The following SLC36A1 variants were observed in gnomAD, a reference collection of about 807,000 sequenced individuals.
SLC36A1 encodes solute carrier family 36 member 1.
A neutral mutation model predicts 47.5 loss-of-function variants in SLC36A1; 30 were observed. The observed-to-expected ratio is 0.63, with a 90% CI of 0.47 to 0.86. SLC36A1 has a LOEUF of 0.86. Among genes scored for constraint, SLC36A1 ranks in the 40% least tolerant of loss-of-function variants. The pLI is 0.00. For missense variants in SLC36A1, 517 were observed against 606.0 expected, an observed-to-expected ratio of 0.85 and a Z score of 1.54; for synonymous variants, 255 against 249.7, an observed-to-expected ratio of 1.02 and a Z score of -0.20.
the SLC36A1 span, among the ~76,000 whole-genome samples, chr5:151,407,597 C>A: frequency 6.6e-6 from 1 of 151,980 alleles, no homozygotes; most frequent in African/African-American, 2.4e-5. Flanking sequence ...CAGAAAAGTT[C>A]TCCAAGTCCC....
the SLC36A1 span, among the ~76,000 whole-genome samples, chr5:151,424,805 A>C: frequency 6.6e-6 from 1 of 152,176 alleles, no homozygotes; most frequent in Admixed American, 6.5e-5. Flanking sequence ...CCATTTTACA[A>C]GTGAGGAAAC....
the SLC36A1 span, among the ~76,000 whole-genome samples, chr5:151,423,315 C>T: frequency 0.44 from 67,237 of 151,922 alleles, 15,275 homozygotes; most frequent in East Asian, 0.56. Flanking sequence ...AAAATTTACA[C>T]CCACAAAAAA....
the SLC36A1 span, chr5:151,554,662 C>T: frequency 6.2e-7 from 1 of 1,611,824 alleles, no homozygotes; most frequent in Non-Finnish European, 8.5e-7. Context: ...CCCCATTGTC[C>T]AGCACAGTCA....
At chr5:151,546,250 T>C in the SLC36A1 span, 2 of 1,614,050 alleles carry the variant, frequency 1.2e-6, no homozygotes, top group Non-Finnish European at 1.7e-6. Context: ...TGTCAGAGTA[T>C]GTGGGGCATG....
rs1459370203 is a variant in SLC36A1, at chr5:151,489,915, GA to G, written c.*1663del. ...ATACAGTTCACTCTGAAAGCTGGTT[GA>G]AGGAGAGCAGCAAAAATGTATCAGG... On this transcript the variant is annotated 3_prime_UTR_variant, in exon 11 of 11. Transcript: ENST00000243389. The surrounding 1 kb of genome is among the most constrained non-coding windows in gnomAD (Gnocchi z 4.5). 6.6e-6 allele frequency: 1 copy of G among 152,182 alleles called. No individual in the cohort carries two copies. Among genetic ancestry groups the G allele is most frequent in the Non-Finnish European group, 1.5e-5 (1 of 68,034 alleles). The allele number at this position is 152,182 out of a possible 1,614,324, so 9.4% of individuals were successfully genotyped here.
At chr5:151,533,220 G>T in the SLC36A1 span, among the ~76,000 whole-genome samples, 1 of 152,096 alleles carries the variant, frequency 6.6e-6, no homozygotes, top group Non-Finnish European at 1.5e-5. Context: ...TCCTGTCCCT[G>T]GAGGTGTGTA....
intron 1 of SLC36A1, 118 bp from the exon 2 acceptor site, chr5:151,458,670 G>A (rs759254161): frequency 9.1e-7 from 1 of 1,097,930 alleles, no homozygotes; most frequent in Non-Finnish European, 1.3e-6. Flanking sequence ...TTAATCCATA[G>A]TGGAGCTGTC....
the SLC36A1 span, chr5:151,546,238 A>G: frequency 1.2e-6 from 2 of 1,614,164 alleles, no homozygotes; most frequent in Admixed American, 3.3e-5. Flanking sequence ...TTCTGCCTTC[A>G]CTGTCAGAGT....
intron 10 of SLC36A1, among the ~76,000 whole-genome samples, chr5:151,482,244 A>G (rs1218128377): frequency 6.6e-6 from 1 of 152,108 alleles, no homozygotes; most frequent in Non-Finnish European, 1.5e-5. Flanking sequence ...GAAGAGCAGC[A>G]TCATTAATTA....
chr5:151,389,412 AT>A, the SLC36A1 span, among the ~76,000 whole-genome samples: 8 of 151,170 alleles, frequency 5.3e-5, no homozygotes, highest in Non-Finnish European at 1.0e-4. Context: ...TTTTCTTTTA[AT>A]TTTTTTTTAA....
the SLC36A1 span, among the ~76,000 whole-genome samples, chr5:151,349,893 G>C: frequency 6.6e-6 from 1 of 152,172 alleles, no homozygotes; most frequent in Non-Finnish European, 1.5e-5. Context: ...AAGTTCATCA[G>C]GTGATTCTGA....
chr5:151,485,549 T>C (rs1025553983), intron 10 of SLC36A1, among the ~76,000 whole-genome samples: 19 of 152,312 alleles, frequency 1.2e-4, no homozygotes, highest in African/African-American at 4.3e-4. Flanking sequence ...AGACTCCCTG[T>C]CTCCCCTCCC....
At chr5:151,446,872 C>G (rs532995787), upstream of SLC36A1, among the ~76,000 whole-genome samples, 1 of 152,276 alleles carries the variant, frequency 6.6e-6, no homozygotes, top group East Asian at 1.9e-4. Flanking sequence ...TATTGACCCT[C>G]CTACTATTGT....
the SLC36A1 span, among the ~76,000 whole-genome samples, chr5:151,386,774 C>T: frequency 1.3e-5 from 2 of 152,208 alleles, no homozygotes; most frequent in Non-Finnish European, 2.9e-5. Flanking sequence ...TCAGGCTCTG[C>T]CCGGTCCCTG....
At chr5:151,457,514 C>T (rs1255240480) in intron 1 of SLC36A1, among the ~76,000 whole-genome samples, 1 of 152,088 alleles carries the variant, frequency 6.6e-6, no homozygotes, top group African/African-American at 2.4e-5. Context: ...TTTTTTCTCT[C>T]ACCATTTTAA....
At chr5:151,355,056 G>A in the SLC36A1 span, among the ~76,000 whole-genome samples, 1 of 152,260 alleles carries the variant, frequency 6.6e-6, no homozygotes, top group Admixed American at 6.5e-5. Context: ...TGACAACAAT[G>A]AACTGTAACC....
the SLC36A1 span, among the ~76,000 whole-genome samples, chr5:151,405,411 G>A: frequency 4.9e-5 from 7 of 142,524 alleles, no homozygotes; most frequent in Non-Finnish European, 9.0e-5. Context: ...ATACAATGGC[G>A]AGATCATGGC....
the SLC36A1 span, chr5:151,512,251 G>C: frequency 9.9e-6 from 16 of 1,614,096 alleles, no homozygotes; most frequent in South Asian, 6.6e-5. This position sits in a 1 kb window ranked among gnomAD's most constrained non-coding sequence, Gnocchi z 4.1. Flanking sequence ...CTGGGTGAGG[G>C]CTTGTGTCTC....
At chr5:151,453,107 G>A (rs1308305419) in intron 1 of SLC36A1, among the ~76,000 whole-genome samples, 2 of 151,270 alleles carry the variant, frequency 1.3e-5, no homozygotes, top group Admixed American at 1.3e-4. Context: ...GGGAGGCTAA[G>A]ACAGGAGAAT....
Sources: allele counts gnomAD v4.1 joint callset (sites outside exome capture counted in the v4.1 genomes callset), GRCh38; gene constraint gnomAD v4.1.1; non-coding constraint Gnocchi (gnomAD v3.1); transcripts MANE v1.5; gene names NCBI Gene and HGNC (gene_info 2026-07-23, HGNC 2026-07-21).